The following NCKAP1 variants were observed in gnomAD, a reference collection of about 807,000 sequenced individuals.
The protein encoded by NCKAP1 is nck-associated protein 1.
Under a neutral mutation model 151.2 loss-of-function variants are expected in NCKAP1, and 21 were observed. The ratio of observed to expected loss-of-function variants is 0.14; its 90% CI spans 0.10 to 0.20. NCKAP1 has a LOEUF of 0.20. Among genes scored for constraint, NCKAP1 ranks in the 10% least tolerant of loss-of-function variants. The pLI is 1.00. For synonymous variants in NCKAP1, 484 were observed against 451.8 expected, an observed-to-expected ratio of 1.07 and a Z score of -0.90; for missense variants, 933 against 1,352.1, an observed-to-expected ratio of 0.69 and a Z score of 4.86.
At chr2:183,017,836 T>C (rs1698722687) in intron 2 of NCKAP1, among the ~76,000 whole-genome samples, 1 of 152,242 alleles carries the variant, frequency 6.6e-6, no homozygotes, top group East Asian at 1.9e-4. Context: ...GTCAAAGAGG[T>C]AAATGTTAAG....
chr2:182,918,043 G>A lies in NCKAP1; in HGVS notation c.*7659C>T, dbSNP rs1248117043. On this transcript the variant is annotated 3_prime_UTR_variant, in exon 31 of 31. Coordinates refer to ENST00000361354, the MANE Select transcript of NCKAP1 (RefSeq NM_013436.5). ...GAAAAAATATGGGCTGGAAATCCTA[G>A]AGCCTTAGGTTTTAATCTCAGCACT... The A allele has an allele frequency of 1.3e-5, 2 of 152,114 alleles. No homozygotes were observed. The highest frequency in any genetic ancestry group is 4.8e-5 in the African/African-American group (2 of 41,414). 9.4% of individuals were successfully genotyped at this position (152,114 alleles called of 1,614,324 possible). A position where few individuals can be genotyped will look rare whatever the true frequency, so the allele number is the denominator to read the frequency against.
chr2:182,991,975 G>A (rs1040345269), intron 8 of NCKAP1, among the ~76,000 whole-genome samples: 4 of 152,162 alleles, frequency 2.6e-5, no homozygotes, highest in Non-Finnish European at 5.9e-5. Context: ...CTATAATCTA[G>A]AGCAGTGATT....
At chr2:182,962,577 C>T (rs1697478613) in intron 17 of NCKAP1, among the ~76,000 whole-genome samples, 1 of 151,996 alleles carries the variant, frequency 6.6e-6, no homozygotes, top group Non-Finnish European at 1.5e-5. Context: ...CCACAAAGTC[C>T]TATATCCAGT....
intron 23 of NCKAP1, among the ~76,000 whole-genome samples, chr2:182,947,822 A>G (rs550246116): frequency 6.6e-6 from 1 of 152,198 alleles, no homozygotes; most frequent in East Asian, 1.9e-4. Flanking sequence ...AGTATACAAC[A>G]CACTGAATTT....
intron 9 of NCKAP1, among the ~76,000 whole-genome samples, chr2:182,988,504 A>G (rs1375558764): frequency 1.3e-5 from 2 of 152,184 alleles, no homozygotes; most frequent in Non-Finnish European, 2.9e-5. Flanking sequence ...AAAGAAACAC[A>G]TTTCAGATAA....
At chr2:182,959,087 C>A (rs758358139) in intron 18 of NCKAP1, among the ~76,000 whole-genome samples, 32 of 152,138 alleles carry the variant, frequency 2.1e-4, no homozygotes, top group Non-Finnish European at 2.2e-4. Flanking sequence ...TACATAGTAT[C>A]TCCATTGGAC....
At chr2:182,987,885 G>A (rs1288129526) in intron 9 of NCKAP1, among the ~76,000 whole-genome samples, 1 of 152,124 alleles carries the variant, frequency 6.6e-6, no homozygotes, top group East Asian at 1.9e-4. Flanking sequence ...AAGGAGTGGG[G>A]GGGGAGTGGG....
chr2:182,999,482 TAA>T (rs1224099996), intron 6 of NCKAP1, among the ~76,000 whole-genome samples: 1 of 151,994 alleles, frequency 6.6e-6, no homozygotes, highest in Non-Finnish European at 1.5e-5. Context: ...TGGCAAATAT[TAA>T]AAAGTCAAAA....
At chr2:182,960,357 C>T (rs1697420312) in intron 18 of NCKAP1, among the ~76,000 whole-genome samples, 2 of 152,184 alleles carry the variant, frequency 1.3e-5, no homozygotes, top group South Asian at 4.1e-4. Flanking sequence ...GTAACCAAAA[C>T]AGCATGGTAC....
chr2:182,911,972 T>G lies in NCKAP1; in HGVS notation c.*13730A>C, dbSNP rs531787420. 1 of 152,326 alleles carries G rather than the reference T, an allele frequency of 6.6e-6. No homozygotes were observed. The highest frequency in any genetic ancestry group is 2.1e-4 in the South Asian group (1 of 4,826). 9.4% of individuals were successfully genotyped at this position (152,326 alleles called of 1,614,324 possible). On this transcript the variant is annotated 3_prime_UTR_variant, in exon 31 of 31. Transcript: ENST00000361354. ...TAGACACTTCATGTCTTTGAATTAT[T>G]TTAGTTGGAGTAGGAAATGCAAACA...
chr2:183,005,373 G>A (rs1436980186), intron 2 of NCKAP1, among the ~76,000 whole-genome samples: 2 of 152,022 alleles, frequency 1.3e-5, no homozygotes, highest in Non-Finnish European at 2.9e-5. Context: ...ATCTTACTAT[G>A]AGCCTTAAAT....
intron 2 of NCKAP1, among the ~76,000 whole-genome samples, chr2:183,015,503 A>C (rs72888461): frequency 0.026 from 4,029 of 152,042 alleles, 77 homozygotes; most frequent in Non-Finnish European, 0.04. Flanking sequence ...AAAAATTATA[A>C]AAAGGTGACA....
At position 182,917,799 on chromosome 2, in the gene NCKAP1, A is replaced by G. The variant is rs1419734377; in HGVS notation, c.*7903T>C. On this transcript the variant is annotated 3_prime_UTR_variant, in exon 31 of 31. Coordinates refer to ENST00000361354, the MANE Select transcript of NCKAP1 (RefSeq NM_013436.5). ...ACAAATATTTTTAACATTCACAAAT[A>G]TGTGACATATTATCTACTATATATG... 5 of 152,220 alleles carry G rather than the reference A, an allele frequency of 3.3e-5. No individual in the cohort carries two copies. The highest frequency in any genetic ancestry group is 1.2e-4 in the African/African-American group (5 of 41,456). 9.4% of individuals were successfully genotyped at this position (152,220 alleles called of 1,614,324 possible).
At chr2:182,976,986 C>T (rs1697837170) in intron 14 of NCKAP1, 35 bp from the exon 15 acceptor site, 5 of 1,355,442 alleles carry the variant, frequency 3.7e-6, no homozygotes, top group African/African-American at 1.5e-5. Context: ...GATTACAAAG[C>T]AAATTAATGT....
intron 14 of NCKAP1, among the ~76,000 whole-genome samples, chr2:182,977,623 CTG>C (rs765585384): frequency 6.8e-4 from 104 of 152,282 alleles, no homozygotes; most frequent in Admixed American, 3.0e-3. Flanking sequence ...GACAAATACT[CTG>C]TGATTCCACT....
rs540320719 is a variant in NCKAP1, at chr2:183,016,088, G to A, written c.219+7718C>T. Among the ~76,000 whole-genome samples, 36 of 152,204 alleles carry A rather than the reference G, an allele frequency of 2.4e-4. 1 individual carries two copies. The highest frequency in any genetic ancestry group is 8.7e-4 in the African/African-American group (36 of 41,550). ...AATAAGCATATTTGTTATAGTTCTA[G>A]CAGTAACCTGTAGAAATTCTAAAAA... is the stretch of plus-strand genomic sequence containing the variant. On this transcript the variant is annotated intron_variant, in intron 2 of 30. Coordinates refer to ENST00000361354, the MANE Select transcript of NCKAP1 (RefSeq NM_013436.5).
intron 8 of NCKAP1, among the ~76,000 whole-genome samples, chr2:182,992,986 AAAG>A (rs1698198830): frequency 6.6e-6 from 1 of 152,204 alleles, no homozygotes; most frequent in Non-Finnish European, 1.5e-5. Context: ...AAAAAATATT[AAAG>A]AAGAAAAACT....
At chr2:182,977,157 C>T (rs1697840455) in intron 14 of NCKAP1, among the ~76,000 whole-genome samples, 2 of 152,144 alleles carry the variant, frequency 1.3e-5, no homozygotes, top group African/African-American at 4.8e-5. Flanking sequence ...ACTTAAATTT[C>T]CATTGATAGA....
At chr2:182,946,346 G>C (rs766564830) in intron 23 of NCKAP1, among the ~76,000 whole-genome samples, 26 of 152,020 alleles carry the variant, frequency 1.7e-4, no homozygotes, top group Admixed American at 6.6e-5. Flanking sequence ...CTTGCAGTGA[G>C]CCGAGATCAC....
Sources: gnomAD v4.1 joint callset for allele counts (sites outside exome capture counted in the v4.1 genomes callset) on GRCh38, gnomAD v4.1.1 for gene constraint, MANE v1.5 for transcripts, NCBI Gene and HGNC (gene_info 2026-07-23, HGNC 2026-07-21) for gene names.